The following ALG9 variants were observed in gnomAD, a reference collection of about 807,000 sequenced individuals.
ALG9 encodes ALG9 alpha-1,2-mannosyltransferase.
A neutral mutation model predicts 81.8 loss-of-function variants in ALG9; 55 were observed. The ratio of observed to expected loss-of-function variants is 0.67; its 90% CI spans 0.54 to 0.84. The LOEUF (loss-of-function observed/expected upper bound fraction) is 0.84. ALG9 is among the 40% of genes least tolerant of loss of function. ALG9 has a pLI of 0.00. For missense variants in ALG9, 629 were observed against 745.0 expected (o/e 0.84, Z 1.81); for synonymous variants, 278 against 274.3 (o/e 1.01, Z -0.13).
the ALG9 span, among the ~76,000 whole-genome samples, chr11:111,770,425 G>T: frequency 3.9e-5 from 6 of 152,058 alleles, no homozygotes; most frequent in Non-Finnish European, 7.3e-5. Context: ...GAAATCAAAT[G>T]ACTTATCAAT....
chr11:111,772,469 T>A, the ALG9 span, among the ~76,000 whole-genome samples: 1 of 152,086 alleles, frequency 6.6e-6, no homozygotes, highest in Non-Finnish European at 1.5e-5. Context: ...GTACATACAA[T>A]GGTTAGGAGA....
chr11:111,795,245 C>T (rs1948078693), intron 14 of ALG9, among the ~76,000 whole-genome samples: 1 of 152,198 alleles, frequency 6.6e-6, no homozygotes, highest in Non-Finnish European at 1.5e-5. Flanking sequence ...TTACCTCCCA[C>T]CCTTCTTACA....
intron 14 of ALG9, among the ~76,000 whole-genome samples, chr11:111,797,392 C>T (rs1160747085): frequency 2.0e-5 from 3 of 152,230 alleles, no homozygotes; most frequent in African/African-American, 7.2e-5. Context: ...AGCCAAGAGC[C>T]AGCATCCAGA....
chr11:111,809,604 A>G, intron 14 of ALG9, 39 bp downstream of exon 14: 3 of 1,612,932 alleles, frequency 1.9e-6, no homozygotes, highest in Non-Finnish European at 2.5e-6. Flanking sequence ...TTTTACCCAT[A>G]CTAGTCCTGG....
intron 8 of ALG9, among the ~76,000 whole-genome samples, chr11:111,847,645 G>A (rs1197274227): frequency 1.3e-5 from 2 of 152,000 alleles, no homozygotes; most frequent in Admixed American, 6.6e-5. Flanking sequence ...ACTAAATTTC[G>A]CCTCTTGATC....
At chr11:111,781,866 G>T (rs934949619), downstream of ALG9, among the ~76,000 whole-genome samples, 3 of 152,094 alleles carry the variant, frequency 2.0e-5, no homozygotes, top group African/African-American at 7.2e-5. Flanking sequence ...GGCTGGTCTC[G>T]AACTCCTGAC....
chr11:111,862,863 T>C (rs114125691), intron 4 of ALG9, among the ~76,000 whole-genome samples: 1,851 of 152,244 alleles, frequency 0.012, 35 homozygotes, highest in African/African-American at 0.041. Flanking sequence ...TCCCAATAAA[T>C]GAAGTTTTTC....
At chr11:111,809,818 C>A (rs782496614) in intron 13 of ALG9, 45 bp from the exon 14 acceptor site, 4 of 1,609,264 alleles carry the variant, frequency 2.5e-6, no homozygotes, top group South Asian at 2.2e-5. Context: ...TTTTGAAGGT[C>A]CCTTCAGGGT....
In ALG9 at chr11:111,870,973, G is replaced by A. The variant is rs74932943; in HGVS notation, c.131+379C>T. ...CTCCAGGGTTTGGGAAGAGGTGATG[G>A]CGGGTTGGATGGGCCCAGTAAAGGG... is the stretch of plus-strand genomic sequence containing the variant. On this transcript the variant is annotated intron_variant, in intron 1 of 14. Coordinates refer to ENST00000616540, the MANE Select transcript of ALG9 (RefSeq NM_024740.2). 9,433 of 1,018,914 alleles carry A rather than the reference G, an allele frequency of 9.3e-3. 627 individuals carry two copies. In the African/African-American group the frequency reaches 0.14, roughly 15 times the overall value. The allele number at this position is 1,018,914 out of a possible 1,614,324, so 63.1% of individuals were successfully genotyped here. A position where few individuals can be genotyped will look rare whatever the true frequency, so the allele number is the denominator to read the frequency against.
chr11:111,838,159 G>A, intron 11 of ALG9, 90 bp downstream of exon 11: 1 of 1,518,840 alleles, frequency 6.6e-7, no homozygotes, highest in Non-Finnish European at 9.1e-7. Flanking sequence ...CTTAGTATAA[G>A]CCAAATATGT....
intron 14 of ALG9, 112 bp downstream of exon 14, chr11:111,809,531 C>CACAT (rs1555088982): frequency 7.6e-7 from 1 of 1,315,952 alleles, no homozygotes; most frequent in Non-Finnish European, 1.1e-6. Flanking sequence ...CACACACACA[C>CACAT]ACACACACGA....
At chr11:111,792,384 G>A (rs966144222) in intron 14 of ALG9, among the ~76,000 whole-genome samples, 8 of 152,222 alleles carry the variant, frequency 5.3e-5, no homozygotes, top group Admixed American at 2.6e-4. Context: ...TGAAGACAGC[G>A]AGAGAGGGAT....
intron 14 of ALG9, among the ~76,000 whole-genome samples, chr11:111,804,319 C>T (rs2136352039): frequency 6.6e-6 from 1 of 152,218 alleles, no homozygotes; most frequent in East Asian, 1.9e-4. Flanking sequence ...TATTTCTGCT[C>T]TGTGAAAGAC....
At chr11:111,851,406 G>A (rs1555138116) in intron 8 of ALG9, among the ~76,000 whole-genome samples, 1 of 151,528 alleles carries the variant, frequency 6.6e-6, no homozygotes, top group African/African-American at 2.4e-5. Flanking sequence ...TTGAACCCAG[G>A]AGGGGAGGTT....
chr11:111,777,224 TAAG>T (rs368580878), downstream of ALG9, among the ~76,000 whole-genome samples: 8 of 152,302 alleles, frequency 5.3e-5, no homozygotes, highest in African/African-American at 1.9e-4. Flanking sequence ...AGAATTGACT[TAAG>T]AATCCTCGAC....
intron 13 of ALG9, among the ~76,000 whole-genome samples, chr11:111,811,614 T>C (rs945142909): frequency 6.6e-6 from 1 of 151,370 alleles, no homozygotes; most frequent in African/African-American, 2.4e-5. Flanking sequence ...ATGTGGTATA[T>C]CCATACCATT....
chr11:111,847,044 T>A (rs781922440), intron 8 of ALG9, among the ~76,000 whole-genome samples: 1 of 152,058 alleles, frequency 6.6e-6, no homozygotes, highest in Non-Finnish European at 1.5e-5. Flanking sequence ...GAAGGGATAA[T>A]GTTTACTGCT....
chr11:111,814,861 T>G (rs1951252820), intron 13 of ALG9: 1 of 152,218 alleles, frequency 6.6e-6, no homozygotes, highest in Admixed American at 6.5e-5. Flanking sequence ...CCAAGGATTA[T>G]AAGAACATGA....
chr11:111,833,933 T>C (rs1954798965), intron 13 of ALG9, among the ~76,000 whole-genome samples: 1 of 152,258 alleles, frequency 6.6e-6, no homozygotes, highest in Admixed American at 6.5e-5. Flanking sequence ...GTAGATTTTC[T>C]AGCCAGCTTT....
Sources: gnomAD v4.1 joint callset for allele counts (sites outside exome capture counted in the v4.1 genomes callset) on GRCh38, gnomAD v4.1.1 for gene constraint, MANE v1.5 for transcripts, NCBI Gene and HGNC (gene_info 2026-07-23, HGNC 2026-07-21) for gene names.